The following GRIA1 variants were observed in gnomAD, a reference collection of about 807,000 sequenced individuals.
GRIA1 encodes the protein glutamate ionotropic receptor AMPA type subunit 1, also known as glutamate receptor 1.
A neutral mutation model predicts 99.2 loss-of-function variants in GRIA1; 31 were observed. That is an observed-to-expected ratio of 0.31 (90% CI 0.23 to 0.42). The LOEUF (loss-of-function observed/expected upper bound fraction) is 0.42. GRIA1 is among the 10% of genes least tolerant of loss of function. The pLI, the probability that GRIA1 is intolerant of heterozygous loss-of-function variation, is 1.00. For missense variants in GRIA1, 782 were observed against 1,157.5 expected (o/e 0.68, Z 4.71); for synonymous variants, 438 against 432.4 (o/e 1.01, Z -0.16).
chr5:153,537,119 A>C (rs1758651617), intron 2 of GRIA1, among the ~76,000 whole-genome samples: 1 of 152,214 alleles, frequency 6.6e-6, no homozygotes, highest in Non-Finnish European at 1.5e-5. Flanking sequence ...GTAATCTCCT[A>C]ACATTCCAAA....
At chr5:153,545,662 C>G (rs945766112) in intron 2 of GRIA1, among the ~76,000 whole-genome samples, 1 of 152,058 alleles carries the variant, frequency 6.6e-6, no homozygotes, top group Non-Finnish European at 1.5e-5. Flanking sequence ...CTGTAAAAAC[C>G]CAGATAGTAA....
intron 7 of GRIA1, among the ~76,000 whole-genome samples, chr5:153,680,471 A>G (rs1446359497): frequency 1.3e-5 from 2 of 152,140 alleles, no homozygotes; most frequent in Non-Finnish European, 2.9e-5. Flanking sequence ...GATTTTTTAA[A>G]AGAAATCTGT....
intron 2 of GRIA1, among the ~76,000 whole-genome samples, chr5:153,536,090 G>A (rs1758540289): frequency 6.6e-6 from 1 of 152,162 alleles, no homozygotes; most frequent in African/African-American, 2.4e-5. Flanking sequence ...TGAAGGCTCA[G>A]CAGACTCTGA....
chr5:153,793,116 C>T (rs989151172), intron 13 of GRIA1, among the ~76,000 whole-genome samples: 7 of 152,284 alleles, frequency 4.6e-5, no homozygotes, highest in Non-Finnish European at 8.8e-5. Flanking sequence ...GATCAACATG[C>T]TTCTGATAAC....
chr5:153,618,875 A>T (rs537638715), intron 2 of GRIA1, among the ~76,000 whole-genome samples: 22 of 152,352 alleles, frequency 1.4e-4, no homozygotes, highest in African/African-American at 5.3e-4. Flanking sequence ...AAGCAGAAGC[A>T]TGTATAGAAA....
At chr5:153,805,786 A>T (rs1766386605) in intron 15 of GRIA1, among the ~76,000 whole-genome samples, 1 of 152,142 alleles carries the variant, frequency 6.6e-6, no homozygotes, top group South Asian at 2.1e-4. Flanking sequence ...GGACATTCTC[A>T]CCCTTCCCTT....
At chr5:153,598,816 TAACA>T (rs1343068086) in intron 2 of GRIA1, among the ~76,000 whole-genome samples, 1 of 152,080 alleles carries the variant, frequency 6.6e-6, no homozygotes, top group African/African-American at 2.4e-5. Context: ...TTTTTCTCAC[TAACA>T]TTCAATAATT....
intron 2 of GRIA1, among the ~76,000 whole-genome samples, chr5:153,516,927 G>A (rs955136436): frequency 3.9e-5 from 6 of 152,286 alleles, no homozygotes; most frequent in Non-Finnish European, 7.4e-5. Context: ...ATTCATGGCC[G>A]TATTATGAAG....
At chr5:153,511,407 T>C (rs181963894) in intron 2 of GRIA1, among the ~76,000 whole-genome samples, 1 of 152,116 alleles carries the variant, frequency 6.6e-6, no homozygotes, top group Non-Finnish European at 1.5e-5. Flanking sequence ...TGGATGGGGA[T>C]TTTAGTACGT....
intron 1 of GRIA1, chr5:153,491,339 A>G: frequency 8.8e-7 from 1 of 1,140,248 alleles, no homozygotes; most frequent in Non-Finnish European, 1.1e-6. Context: ...TAATGTAAGT[A>G]TGTATGGTGT....
chr5:153,721,524 TC>T (rs1760068273), intron 11 of GRIA1, among the ~76,000 whole-genome samples: 1 of 152,188 alleles, frequency 6.6e-6, no homozygotes, highest in Admixed American at 6.5e-5. Context: ...TTCACACTTC[TC>T]CCATGACAGG....
chr5:153,534,698 G>A (rs1038808004), intron 2 of GRIA1, among the ~76,000 whole-genome samples: 4 of 152,160 alleles, frequency 2.6e-5, no homozygotes, highest in Admixed American at 6.5e-5. Flanking sequence ...ATTACCAGCT[G>A]TGTGACCCTG....
chr5:153,600,842 C>T (rs979244627), intron 2 of GRIA1, among the ~76,000 whole-genome samples: 1 of 152,168 alleles, frequency 6.6e-6, no homozygotes, highest in Non-Finnish European at 1.5e-5. Flanking sequence ...GGAGGTGAAG[C>T]CTTCTGTTTA....
chr5:153,599,259 A>C lies in GRIA1; in HGVS notation c.221-47669A>C, dbSNP rs987134893. ...TGCTAATTCTAGTTTGACACTTTTT[A>C]TTACCTCAACTAGATTATTTTGTCC... is the stretch of plus-strand genomic sequence containing the variant. On this transcript the variant is annotated intron_variant, in intron 2 of 15. Coordinates refer to ENST00000285900, the MANE Select transcript of GRIA1 (RefSeq NM_000827.4). 6.6e-5 allele frequency among the ~76,000 whole-genome samples: 10 copies of C among 152,294 alleles called. No homozygotes were observed. In the East Asian group the frequency reaches 1.7e-3, roughly 26 times the overall value.
chr5:153,791,109 CT>C (rs1223433135), intron 13 of GRIA1, among the ~76,000 whole-genome samples: 2 of 150,626 alleles, frequency 1.3e-5, no homozygotes, highest in Non-Finnish European at 2.9e-5. Flanking sequence ...GGCCACCATT[CT>C]TTTAGCAATT....
At chr5:153,573,066 C>T (rs1384224229) in intron 2 of GRIA1, among the ~76,000 whole-genome samples, 1 of 152,086 alleles carries the variant, frequency 6.6e-6, no homozygotes, top group East Asian at 1.9e-4. Flanking sequence ...AGTGACAACC[C>T]AAATAAAGGA....
At position 153,688,585 on chromosome 5, in the gene GRIA1, C is replaced by T. The variant is rs184109845; in HGVS notation, c.1134+2256C>T. On this transcript the variant is annotated intron_variant, in intron 8 of 15. Coordinates refer to ENST00000285900, the MANE Select transcript of GRIA1 (RefSeq NM_000827.4). ...TAGTAAATGTTGAAGAGTTAGCACA[C>T]GGCTGAAATCTGGAAAACACTGAGG... Among the ~76,000 whole-genome samples, 18 of 152,296 alleles carry T rather than the reference C, an allele frequency of 1.2e-4. No homozygotes were observed. In the East Asian group the frequency reaches 3.1e-3, roughly 26 times the overall value.
At chr5:153,619,201 A>AT (rs1766796536) in intron 2 of GRIA1, among the ~76,000 whole-genome samples, 1 of 152,044 alleles carries the variant, frequency 6.6e-6, no homozygotes. Flanking sequence ...CAACCTGCAT[A>AT]TTTTTTTCAA....
intron 13 of GRIA1, among the ~76,000 whole-genome samples, chr5:153,790,519 C>A (rs1765232926): frequency 1.3e-5 from 2 of 152,100 alleles, no homozygotes; most frequent in South Asian, 4.1e-4. Context: ...ACAGCACCTT[C>A]CAAACACCAG....
Sources: gnomAD v4.1 joint callset for allele counts (sites outside exome capture counted in the v4.1 genomes callset) on GRCh38, gnomAD v4.1.1 for gene constraint, MANE v1.5 for transcripts, NCBI Gene and HGNC (gene_info 2026-07-23, HGNC 2026-07-21) for gene names.